The following CCSER1 variants were observed in gnomAD, a reference collection of about 807,000 sequenced individuals.
The protein encoded by CCSER1 is coiled-coil serine rich protein 1, also known as serine-rich coiled-coil domain-containing protein 1.
In CCSER1, 41 loss-of-function variants were observed where a neutral mutation model predicts 82.0. That is an observed-to-expected ratio of 0.50 (90% CI 0.39 to 0.65). The LOEUF (loss-of-function observed/expected upper bound fraction) is 0.65. Ranked by LOEUF, CCSER1 falls within the 30% of genes least tolerant of loss-of-function variation. The pLI is 0.00. For synonymous variants in CCSER1, 414 were observed against 383.9 expected, an observed-to-expected ratio of 1.08 and a Z score of -0.92; for missense variants, 1,119 against 1,064.2, an observed-to-expected ratio of 1.05 and a Z score of -0.72.
At chr4:91,257,458 T>A (rs938449407) in intron 10 of CCSER1, among the ~76,000 whole-genome samples, 17 of 128,666 alleles carry the variant, frequency 1.3e-4, no homozygotes, top group South Asian at 1.1e-3. Context: ...TTCAGTAAAG[T>A]TGGAATACAT....
At chr4:91,180,945 G>A (rs1560498175) in intron 10 of CCSER1, among the ~76,000 whole-genome samples, 1 of 152,192 alleles carries the variant, frequency 6.6e-6, no homozygotes, top group Non-Finnish European at 1.5e-5. Flanking sequence ...GATTGGGCTA[G>A]TTAACTGCAG....
At chr4:90,177,724 A>T (rs191582259) in intron 1 of CCSER1, among the ~76,000 whole-genome samples, 5 of 152,256 alleles carry the variant, frequency 3.3e-5, no homozygotes, top group Admixed American at 2.6e-4. Context: ...TCACAAGACT[A>T]GCTCTTTCAT....
At chr4:90,804,372 C>G (rs1039708348) in intron 7 of CCSER1, among the ~76,000 whole-genome samples, 1 of 150,078 alleles carries the variant, frequency 6.7e-6, no homozygotes, top group African/African-American at 2.5e-5. Flanking sequence ...TTTGATACAT[C>G]TTGAGTTGAT....
At chr4:90,655,800 CG>C (rs1331434568) in intron 6 of CCSER1, among the ~76,000 whole-genome samples, 15 of 152,004 alleles carry the variant, frequency 9.9e-5, no homozygotes, top group Non-Finnish European at 1.6e-4. Context: ...ATTAAATACT[CG>C]GGTCCAAATA....
intron 1 of CCSER1, among the ~76,000 whole-genome samples, chr4:90,280,666 A>G (rs1351956780): frequency 6.6e-6 from 1 of 152,024 alleles, no homozygotes; most frequent in Non-Finnish European, 1.5e-5. Flanking sequence ...GTCTTTGATT[A>G]TACATGCATA....
chr4:90,134,980 T>G (rs1310854242), intron 1 of CCSER1, among the ~76,000 whole-genome samples: 1 of 152,214 alleles, frequency 6.6e-6, no homozygotes, highest in Non-Finnish European at 1.5e-5. Context: ...AAAACTAGAT[T>G]AATAATATCA....
At chr4:90,488,483 A>G (rs112351902) in intron 5 of CCSER1, among the ~76,000 whole-genome samples, 3 of 152,208 alleles carry the variant, frequency 2.0e-5, no homozygotes, top group African/African-American at 7.2e-5. Flanking sequence ...CCACTGCACC[A>G]GGCGACGTCC....
intron 1 of CCSER1, among the ~76,000 whole-genome samples, chr4:90,191,049 T>C (rs1348802210): frequency 1.3e-5 from 2 of 152,000 alleles, no homozygotes; most frequent in Admixed American, 1.3e-4. Flanking sequence ...TTAAGGAACT[T>C]TACCTTGCCT....
chr4:91,227,002 A>G (rs975741504), intron 10 of CCSER1, among the ~76,000 whole-genome samples: 11 of 152,024 alleles, frequency 7.2e-5, no homozygotes, highest in African/African-American at 2.6e-4. Flanking sequence ...ATCCACATCT[A>G]TTAGCACAGT....
intron 10 of CCSER1, among the ~76,000 whole-genome samples, chr4:91,283,738 C>T (rs1743082243): frequency 6.6e-6 from 1 of 151,938 alleles, no homozygotes; most frequent in African/African-American, 2.4e-5. Context: ...CTATTCATTT[C>T]TCCACCATTT....
intron 9 of CCSER1, among the ~76,000 whole-genome samples, chr4:91,014,239 C>T (rs2150509500): frequency 7.4e-6 from 1 of 134,384 alleles, no homozygotes; most frequent in African/African-American, 2.5e-5. Context: ...ACTCAGAAAT[C>T]TATAGCTATC....
At chr4:90,502,571 A>G (rs1770066994) in intron 5 of CCSER1, among the ~76,000 whole-genome samples, 1 of 152,158 alleles carries the variant, frequency 6.6e-6, no homozygotes, top group Non-Finnish European at 1.5e-5. Flanking sequence ...CTATTGTCAG[A>G]AGCGGTGGAC....
chr4:90,302,887 G>T (rs185198673), intron 1 of CCSER1, among the ~76,000 whole-genome samples: 45 of 152,236 alleles, frequency 3.0e-4, no homozygotes, highest in Admixed American at 7.2e-4. Context: ...AGTCATCAGT[G>T]AAAGCGGAGC....
intron 9 of CCSER1, among the ~76,000 whole-genome samples, chr4:90,944,872 C>G (rs948094474): frequency 1.3e-5 from 2 of 152,328 alleles, no homozygotes; most frequent in Admixed American, 1.3e-4. Context: ...CCCACCTGCT[C>G]TGTCTCCACC....
At chr4:90,986,478 A>G (rs922378591) in intron 9 of CCSER1, among the ~76,000 whole-genome samples, 3 of 151,812 alleles carry the variant, frequency 2.0e-5, no homozygotes, top group African/African-American at 7.2e-5. Flanking sequence ...AATAGAGTGT[A>G]TATATGAACC....
At chr4:90,979,661 G>T (rs72884715) in intron 9 of CCSER1, among the ~76,000 whole-genome samples, 1 of 151,726 alleles carries the variant, frequency 6.6e-6, no homozygotes, top group Non-Finnish European at 1.5e-5. Context: ...ATGTGAGTAG[G>T]AGTCTTAACT....
chr4:91,259,336 C>T (rs1740926683), intron 10 of CCSER1, among the ~76,000 whole-genome samples: 1 of 152,082 alleles, frequency 6.6e-6, no homozygotes, highest in African/African-American at 2.4e-5. Flanking sequence ...GTTCTCAAAG[C>T]ATTAGTGTGA....
At chr4:90,937,322 T>G (rs2150316392) in intron 9 of CCSER1, among the ~76,000 whole-genome samples, 1 of 152,226 alleles carries the variant, frequency 6.6e-6, no homozygotes, top group Middle Eastern at 3.4e-3. Context: ...CCAAGAACAT[T>G]CAACTCTCAA....
intron 5 of CCSER1, among the ~76,000 whole-genome samples, chr4:90,532,045 G>T (rs926807302): frequency 2.0e-5 from 3 of 152,068 alleles, no homozygotes; most frequent in Non-Finnish European, 2.9e-5. Context: ...ATGTTTGTAA[G>T]ATTTGTCTTA....
Sources: gnomAD v4.1 joint callset for allele counts (sites outside exome capture counted in the v4.1 genomes callset) on GRCh38, gnomAD v4.1.1 for gene constraint, MANE v1.5 for transcripts, NCBI Gene and HGNC (gene_info 2026-07-23, HGNC 2026-07-21) for gene names.